The following MARK4 variants were observed in gnomAD, a reference collection of about 807,000 sequenced individuals.
The protein encoded by MARK4 is MAP/microtubule affinity-regulating kinase 4.
MARK4 carries 19 observed loss-of-function variants against 81.5 expected under a neutral mutation model. That is an observed-to-expected ratio of 0.23 (90% CI 0.16 to 0.34). MARK4 has a LOEUF of 0.34. MARK4 is among the 10% of genes least tolerant of loss of function. The pLI, the probability that MARK4 is intolerant of heterozygous loss-of-function variation, is 1.00. For synonymous variants in MARK4, 436 were observed against 439.0 expected, an observed-to-expected ratio of 0.99 and a Z score of 0.08; for missense variants, 772 against 1,058.8, an observed-to-expected ratio of 0.73 and a Z score of 3.76.
intron 2 of MARK4, 24 bp from the exon 3 acceptor site, chr19:45,263,089 C>G: frequency 6.3e-7 from 1 of 1,594,648 alleles, no homozygotes; most frequent in East Asian, 2.3e-5. Flanking sequence ...CTTGACCGTC[C>G]CTCCTCCTTT....
intron 13 of MARK4, among the ~76,000 whole-genome samples, chr19:45,293,967 G>A (rs1363147538): frequency 1.3e-5 from 2 of 152,206 alleles, no homozygotes; most frequent in African/African-American, 2.4e-5. Context: ...CCAGTGCACA[G>A]GCTAGTCACA....
intron 14 of MARK4, among the ~76,000 whole-genome samples, chr19:45,294,890 A>G (rs566363333): frequency 1.3e-5 from 2 of 152,240 alleles, no homozygotes; most frequent in South Asian, 2.1e-4. Flanking sequence ...TTCACATCAC[A>G]GGTCAAGGCC....
intron 12 of MARK4, among the ~76,000 whole-genome samples, chr19:45,284,046 C>G (rs998982847): frequency 1.3e-5 from 2 of 151,964 alleles, no homozygotes; most frequent in Admixed American, 1.3e-4. Flanking sequence ...GAGACAGAGT[C>G]TCACTCTGTC....
At chr19:45,258,719 A>C (rs1192720468) in intron 1 of MARK4, among the ~76,000 whole-genome samples, 2 of 151,488 alleles carry the variant, frequency 1.3e-5, no homozygotes, top group African/African-American at 2.4e-5. Flanking sequence ...AAAAAAGACA[A>C]GGAGGTTGGG....
At chr19:45,293,936 A>G (rs1443704541) in intron 13 of MARK4, among the ~76,000 whole-genome samples, 4 of 152,176 alleles carry the variant, frequency 2.6e-5, no homozygotes, top group Non-Finnish European at 4.4e-5. Flanking sequence ...GGTAGGAGTA[A>G]TGTTCTAACA....
intron 12 of MARK4, among the ~76,000 whole-genome samples, chr19:45,282,398 G>T (rs1317813462): frequency 1.3e-5 from 2 of 151,856 alleles, no homozygotes; most frequent in African/African-American, 2.4e-5. Flanking sequence ...CCCATTTAAA[G>T]TGCACAATTC....
In MARK4 at chr19:45,287,662, C is replaced by G. The variant is rs868136934; in HGVS notation, c.1492C>G (p.Pro498Ala). The G allele has an allele frequency of 1.2e-6, 2 of 1,603,604 alleles. No homozygotes were observed. ...GCGGCGGAAGGACAGCACGAGCACC[C>G]CCGTGAGTGACCAGGGCTGGGGGGC... is the stretch of plus-strand genomic sequence containing the variant. ...PERRKDSTST[P>A]NNLPPSMMTR... Residue 498 changes from proline (P) to alanine (A), a missense_variant and splice_region_variant, in exon 13 of 17, where the codon CCC becomes GCC. By Grantham distance (27) the Pro-to-Ala change is conservative. This residue lies in a region of MARK4 where 548 missense variants were observed against 624.3 expected (regional missense o/e 0.88). Transcript: ENST00000262891.
chr19:45,299,777 A>C (rs998729617), intron 15 of MARK4, 34 bp from the exon 16 acceptor site: 1 of 1,567,032 alleles, frequency 6.4e-7, no homozygotes, highest in Non-Finnish European at 8.7e-7. Flanking sequence ...CCCTATGTCC[A>C]GATTAGACAC....
chr19:45,279,532 G>A (rs1048436764), intron 10 of MARK4, among the ~76,000 whole-genome samples: 3 of 151,908 alleles, frequency 2.0e-5, no homozygotes, highest in African/African-American at 7.3e-5. Flanking sequence ...CAATAATTAC[G>A]GTTTTTACCA....
intron 1 of MARK4, among the ~76,000 whole-genome samples, chr19:45,255,583 A>G (rs1318353212): frequency 6.7e-6 from 1 of 149,958 alleles, no homozygotes; most frequent in Non-Finnish European, 1.5e-5. Context: ...AAAAAAAAAA[A>G]TACTGGTGGA....
At chr19:45,264,996 A>G (rs995489016) in intron 6 of MARK4, 86 bp downstream of exon 6, 4 of 1,366,472 alleles carry the variant, frequency 2.9e-6, no homozygotes, top group Non-Finnish European at 4.1e-6. Flanking sequence ...TGGGCTGTCC[A>G]GCGACCTGGG....
intron 7 of MARK4, among the ~76,000 whole-genome samples, chr19:45,269,328 G>A (rs893790816): frequency 2.0e-5 from 3 of 152,076 alleles, no homozygotes; most frequent in African/African-American, 4.8e-5. Context: ...ACAGTGAGCC[G>A]AGATCGTGCC....
intron 7 of MARK4, among the ~76,000 whole-genome samples, chr19:45,266,764 A>T (rs1026450840): frequency 4.5e-5 from 6 of 132,050 alleles, no homozygotes; most frequent in African/African-American, 1.5e-4. Context: ...ACAGAGTCTC[A>T]CTCTGTCGCC....
At position 45,302,250 on chromosome 19, in the gene MARK4, G is replaced by A; in HGVS notation, c.1923-124G>A. On this transcript the variant is annotated intron_variant, in intron 16 of 16. Transcript: ENST00000262891. The surrounding 1 kb of genome is among the most constrained non-coding windows in gnomAD (Gnocchi z 4.9). ...AGTTGAAACTGTCGCTGGGGTAACA[G>A]GGGAAGATGTTTTTTGAGGGGATGG... The A allele has an allele frequency of 1.9e-6, 3 of 1,552,728 alleles. No individual in the cohort carries two copies. Among genetic ancestry groups the A allele is most frequent in the South Asian group, 1.2e-5 (1 of 81,034 alleles).
chr19:45,262,319 C>G (rs1970390977), intron 2 of MARK4, among the ~76,000 whole-genome samples: 2 of 124,974 alleles, frequency 1.6e-5, no homozygotes, highest in African/African-American at 6.5e-5. Flanking sequence ...GCCTGGGAGA[C>G]ACAGCGAGAC....
At position 45,297,920 on chromosome 19, in the gene MARK4, C is replaced by T; in HGVS notation, c.1843C>T (p.Leu615Phe). The part of the protein sequence containing the change: ...PAGRPRPTTN[L>F]FTKLTSKLTR... ...CGGGCGGCCCCGCCCCACCACCAAC[C>T]TCTTCACCAAGCTGACCTCCAAACT... is the stretch of plus-strand genomic sequence containing the variant. Residue 615 changes from leucine to phenylalanine, a missense_variant, in exon 15 of 17, where the codon CTC becomes TTC. Physicochemically the swap from Leu to Phe is conservative, Grantham distance 22. Around this residue, in one of 3 missense-constraint regions of MARK4, gnomAD observed 548 missense variants for 624.3 expected, o/e 0.88. Transcript: ENST00000262891. 6.4e-7 allele frequency: 1 copy of T among 1,550,450 alleles called. No individual in the cohort carries two copies. Among genetic ancestry groups the T allele is most frequent in the Non-Finnish European group, 8.7e-7 (1 of 1,146,752 alleles).
At position 45,278,613 on chromosome 19, in the gene MARK4, T is replaced by G; in HGVS notation, c.1004T>G (p.Ile335Ser). Residue 335 changes from isoleucine to serine, a missense_variant and splice_region_variant, in exon 10 of 17, where the codon ATT (isoleucine) becomes AGT (serine). By Grantham distance (142) the Ile-to-Ser change is moderately radical (BLOSUM62 -2). Transcript: ENST00000262891. ...PEEDFGDTKR[I>S]EVMVGMGYTR... ...GAGGACTTCGGGGACACCAAGAGAA[T>G]TGGTGAGGGTCAGGGAGAGCCATCC... The G allele has an allele frequency of 6.2e-7, 1 of 1,612,028 alleles. No individual in the cohort carries two copies. The highest frequency in any genetic ancestry group is 8.5e-7 in the Non-Finnish European group (1 of 1,178,664).
At chr19:45,253,396 GGC>G (rs1254688797) in intron 1 of MARK4, among the ~76,000 whole-genome samples, 3 of 152,194 alleles carry the variant, frequency 2.0e-5, no homozygotes, top group Non-Finnish European at 4.4e-5. Flanking sequence ...ATGCTGACAT[GGC>G]CAGCTGGTTT....
In MARK4 at chr19:45,272,934, C is replaced by T. The variant is rs143957050; in HGVS notation, c.786+1226C>T. The stretch of plus-strand genomic sequence containing the variant: ...GAATGTAGTAATGATTGTGCAACTC[C>T]GTGCATATACTAAAAGCCATCGAAT... On this transcript the variant is annotated intron_variant, in intron 8 of 16. Transcript: ENST00000262891. 6.1e-3 allele frequency among the ~76,000 whole-genome samples: 933 copies of T among 152,234 alleles called. 17 individuals are homozygous for T. The highest frequency in any genetic ancestry group is 0.022 in the African/African-American group (900 of 41,546).
Sources: gnomAD v4.1 joint callset for allele counts (sites outside exome capture counted in the v4.1 genomes callset) on GRCh38, gnomAD v4.1.1 for gene constraint, gnomAD v4.1.1 regional missense constraint, Gnocchi (gnomAD v3.1) non-coding constraint, MANE v1.5 for transcripts, NCBI Gene and HGNC (gene_info 2026-07-23, HGNC 2026-07-21) for gene names.